The following TIMP3 variants were observed in gnomAD, a reference collection of about 807,000 sequenced individuals.
TIMP3 encodes metalloproteinase inhibitor 3.
A neutral mutation model predicts 30.0 loss-of-function variants in TIMP3; 11 were observed. The observed-to-expected ratio is 0.37, with a 90% confidence interval of 0.23 to 0.61. The LOEUF is 0.61. Among genes scored for constraint, TIMP3 ranks in the 20% least tolerant of loss-of-function variants. The pLI is 0.70. For missense variants in TIMP3, 181 were observed against 276.8 expected, an observed-to-expected ratio of 0.65 and a Z score of 2.45; for synonymous variants, 112 against 111.3, an observed-to-expected ratio of 1.01 and a Z score of -0.04.
chr22:32,818,809 G>C (rs143514005), intron 1 of TIMP3, among the ~76,000 whole-genome samples: 1 of 152,270 alleles, frequency 6.6e-6, no homozygotes, highest in African/African-American at 2.4e-5. Context: ...CAAGAGATTC[G>C]CAGGTAGGGC....
intron 1 of TIMP3, among the ~76,000 whole-genome samples, chr22:32,814,339 G>GAAAGGA (rs369652077): frequency 0.11 from 1,140 of 10,284 alleles, 22 homozygotes; most frequent in African/African-American, 0.22. Context: ...AAGAAAGAAA[G>GAAAGGA]AGAAAGAAAG....
At chr22:32,840,493 C>T (rs765506773) in intron 1 of TIMP3, among the ~76,000 whole-genome samples, 19 of 152,180 alleles carry the variant, frequency 1.2e-4, no homozygotes, top group Admixed American at 3.3e-4. Context: ...GGCTGCTCGC[C>T]GCTCCCCACC....
intron 2 of TIMP3, among the ~76,000 whole-genome samples, chr22:32,856,700 T>A (rs1035366855): frequency 7.9e-5 from 12 of 152,244 alleles, no homozygotes; most frequent in African/African-American, 2.4e-4. Flanking sequence ...TACTTTGAGA[T>A]ATACAATAAG....
chr22:32,836,468 C>T (rs1336463542), intron 1 of TIMP3, among the ~76,000 whole-genome samples: 1 of 152,216 alleles, frequency 6.6e-6, no homozygotes, highest in African/African-American at 2.4e-5. Context: ...CCAAAGAGGG[C>T]AGCAGTTAGC....
At chr22:32,803,042 G>A (rs2046632687) in intron 1 of TIMP3, among the ~76,000 whole-genome samples, 1 of 152,072 alleles carries the variant, frequency 6.6e-6, no homozygotes, top group Non-Finnish European at 1.5e-5. Context: ...GTCTGGGAGT[G>A]TTTGGGACAC....
chr22:32,815,773 A>T (rs1352374713), intron 1 of TIMP3, among the ~76,000 whole-genome samples: 1 of 152,180 alleles, frequency 6.6e-6, no homozygotes, highest in Admixed American at 6.5e-5. Context: ...GTATGTACCT[A>T]CATAGTGAAG....
At chr22:32,857,096 T>A (rs2048390741) in intron 2 of TIMP3, among the ~76,000 whole-genome samples, 153 bp from the exon 3 acceptor site, 1 of 152,216 alleles carries the variant, frequency 6.6e-6, no homozygotes, top group Non-Finnish European at 1.5e-5. Context: ...ATCTTGGCTA[T>A]TGTGAATATT....
At chr22:32,836,555 G>A (rs935434039) in intron 1 of TIMP3, among the ~76,000 whole-genome samples, 5 of 152,110 alleles carry the variant, frequency 3.3e-5, no homozygotes, top group Middle Eastern at 3.2e-3. Flanking sequence ...TCATTCCTCC[G>A]CACCTTCAGT....
chr22:32,802,081 C>A lies in TIMP3; in HGVS notation c.80C>A (p.Ser27Ter). ...GDWGAEACTC[S>*]PSHPQDAFCN... ...TGGGGCGCCGAGGCGTGCACATGCT[C>A]GCCCAGCCACCCCCAGGACGCCTTC... is the stretch of plus-strand genomic sequence containing the variant. Residue 27 changes from serine (S) to a stop codon, truncating the protein, a stop_gained, in exon 1 of 5, where the codon TCG becomes TAG. Coordinates refer to ENST00000266085, the MANE Select transcript of TIMP3 (RefSeq NM_000362.5). LOFTEE classifies it high-confidence loss of function. 6.3e-7 allele frequency: 1 copy of A among 1,578,138 alleles called. No individual in the cohort carries two copies.
intron 2 of TIMP3, among the ~76,000 whole-genome samples, chr22:32,851,228 G>A (rs189828653): frequency 1.1e-4 from 17 of 152,260 alleles, no homozygotes; most frequent in Admixed American, 3.3e-4. Flanking sequence ...GAAAACACAC[G>A]AACCTGCCTG....
intron 2 of TIMP3, among the ~76,000 whole-genome samples, chr22:32,854,228 C>T (rs1044563488): frequency 5.3e-5 from 8 of 152,122 alleles, no homozygotes; most frequent in Non-Finnish European, 7.3e-5. Flanking sequence ...TAAAACACAG[C>T]GCTATGTTTG....
chr22:32,810,316 A>G (rs2046882914), intron 1 of TIMP3, among the ~76,000 whole-genome samples: 4 of 152,186 alleles, frequency 2.6e-5, no homozygotes, highest in South Asian at 4.1e-4. Context: ...ACACTACCCA[A>G]CACTCAAGTC....
intron 1 of TIMP3, among the ~76,000 whole-genome samples, chr22:32,810,382 CAA>C (rs2046885297): frequency 6.6e-6 from 1 of 152,096 alleles, no homozygotes; most frequent in Admixed American, 6.5e-5. Context: ...GGCTTGGAGA[CAA>C]GAAACTATAA....
At position 32,807,392 on chromosome 22, in the gene TIMP3, A is replaced by AT. The variant is rs1300419012; in HGVS notation, c.121+5271dup. 1.2e-3 allele frequency among the ~76,000 whole-genome samples: 121 copies of AT among 103,030 alleles called. 1 individual carries two copies. The highest frequency in any genetic ancestry group is 4.6e-3 in the African/African-American group (119 of 26,006). The allele number at this position is 103,030 out of a possible 152,430, so 67.6% of individuals were successfully genotyped here. A position where few individuals can be genotyped will look rare whatever the true frequency, so the allele number is the denominator to read the frequency against. On this transcript the variant is annotated intron_variant, in intron 1 of 4. Transcript: ENST00000266085. ...ATATTATATATAATATATATTATAT[A>AT]TAATATATATATATTATATTTACAT...
rs972373661 is a variant in TIMP3 at position 32,861,507 on chromosome 22, C to T, written c.*2130C>T. On this transcript the variant is annotated 3_prime_UTR_variant, in exon 5 of 5. Transcript: ENST00000266085. ...CATGGTGGGGCCCCTGACCAACCTA[C>T]ACAAGTTCCCTCCCACAAGTGGACA... 2 of 152,310 alleles carry T rather than the reference C, an allele frequency of 1.3e-5. No individual in the cohort carries two copies. The highest frequency in any genetic ancestry group is 4.1e-4 in the South Asian group (2 of 4,832). The allele number at this position is 152,310 out of a possible 1,614,324, so 9.4% of individuals were successfully genotyped here.
intron 4 of TIMP3, 90 bp downstream of exon 4, chr22:32,858,228 TCGG>T: frequency 6.4e-7 from 1 of 1,570,630 alleles, no homozygotes; most frequent in Non-Finnish European, 8.7e-7. Context: ...TGCCAGGCCC[TCGG>T]CTGGGAAGGG....
In TIMP3 at chr22:32,862,396, C is replaced by T. The variant is rs2048570568; in HGVS notation, c.*3019C>T. 1 of 152,258 alleles carries T rather than the reference C, an allele frequency of 6.6e-6. No homozygotes were observed. Among genetic ancestry groups the T allele is most frequent in the African/African-American group, 2.4e-5 (1 of 41,454 alleles). The allele number at this position is 152,258 out of a possible 1,614,324, so 9.4% of individuals were successfully genotyped here. A position where few individuals can be genotyped will look rare whatever the true frequency, so the allele number is the denominator to read the frequency against. ...CTTTTACCCTCCCCTCGTTCCAGAC[C>T]TGCCTCATGGTGGCAACATGGTTCT... On this transcript the variant is annotated 3_prime_UTR_variant, in exon 5 of 5. Coordinates refer to ENST00000266085, the MANE Select transcript of TIMP3 (RefSeq NM_000362.5).
intron 1 of TIMP3, among the ~76,000 whole-genome samples, chr22:32,835,119 G>A (rs1569262812): frequency 6.6e-6 from 1 of 152,132 alleles, no homozygotes; most frequent in Non-Finnish European, 1.5e-5. Context: ...TTCATGCAGC[G>A]GAATTGGCAT....
At chr22:32,839,481 A>G (rs1369103055) in intron 1 of TIMP3, among the ~76,000 whole-genome samples, 2 of 152,108 alleles carry the variant, frequency 1.3e-5, no homozygotes, top group African/African-American at 4.8e-5. Flanking sequence ...CAGGTCACAG[A>G]AACACCATCA....
Sources: gnomAD v4.1 joint callset for allele counts (sites outside exome capture counted in the v4.1 genomes callset) on GRCh38, gnomAD v4.1.1 for gene constraint, MANE v1.5 for transcripts, NCBI Gene and HGNC (gene_info 2026-07-23, HGNC 2026-07-21) for gene names.